The following MEP1A variants were observed in gnomAD, a reference collection of about 807,000 sequenced individuals.
MEP1A encodes N-benzoyl-L-tyrosyl-P-amino-benzoic acid hydrolase subunit alpha.
In MEP1A, 68 loss-of-function variants were observed where a neutral mutation model predicts 84.5. That is an observed-to-expected ratio of 0.80 (90% confidence interval 0.66 to 0.98). The LOEUF is 0.98. MEP1A is among the 50% of genes least tolerant of loss of function. The pLI is 0.00. For synonymous variants in MEP1A, 337 were observed against 336.8 expected (o/e 1.00, Z -0.01); for missense variants, 887 against 919.9 (o/e 0.96, Z 0.46).
chr6:46,798,676 T>C (rs1325736104), intron 4 of MEP1A, 30 bp downstream of exon 4: 1 of 1,605,538 alleles, frequency 6.2e-7, no homozygotes, highest in South Asian at 1.1e-5. Context: ...GCAATAAGTT[T>C]CTCAGGACAG....
chr6:46,798,523 G>T, intron 3 of MEP1A, 83 bp from the exon 4 acceptor site: 1 of 1,134,820 alleles, frequency 8.8e-7, no homozygotes, highest in South Asian at 1.2e-5. Flanking sequence ...ATTTATAATG[G>T]CAAATACTAA....
chr6:46,809,936 T>C (rs1012326524), intron 6 of MEP1A, among the ~76,000 whole-genome samples: 1 of 151,930 alleles, frequency 6.6e-6, no homozygotes, highest in African/African-American at 2.4e-5. Context: ...CATGTGCAAG[T>C]ATCTTTTTCG....
At chr6:46,808,620 C>T (rs1478963566) in intron 5 of MEP1A, among the ~76,000 whole-genome samples, 2 of 151,986 alleles carry the variant, frequency 1.3e-5, no homozygotes, top group African/African-American at 2.4e-5. Flanking sequence ...CTTTTCTACC[C>T]CATCTTTGTC....
chr6:46,826,748 C>T (rs1446681465), intron 9 of MEP1A, among the ~76,000 whole-genome samples: 1 of 152,136 alleles, frequency 6.6e-6, no homozygotes, highest in Non-Finnish European at 1.5e-5. Flanking sequence ...GATAAAACCT[C>T]ATAAATAAAG....
At chr6:46,843,007 G>T (rs774485175), downstream of MEP1A, among the ~76,000 whole-genome samples, 3 of 152,054 alleles carry the variant, frequency 2.0e-5, no homozygotes, top group Admixed American at 1.3e-4. Context: ...CCTTTTAAGT[G>T]CTCCACCTCC....
chr6:46,818,392 C>T (rs751583331), intron 6 of MEP1A, among the ~76,000 whole-genome samples: 1 of 152,046 alleles, frequency 6.6e-6, no homozygotes, highest in African/African-American at 2.4e-5. Flanking sequence ...AACTTGCAAT[C>T]CATTGGTTGC....
Position 46,825,413 on chromosome 6 carries a change from C to T in MEP1A, c.698C>T (p.Pro233Leu). Residue 233 changes from proline to leucine, a missense_variant, in exon 8 of 14, where the codon CCT becomes CTT. Coordinates refer to ENST00000230588, the MANE Select transcript of MEP1A (RefSeq NM_005588.3). ...ASVPTITAKI[P>L]EFNSIIGQRL... ...GTTCCCACCATCACAGCCAAGATCC[C>T]TGAGTTTAACTCCATTATCGGACAG... The T allele has an allele frequency of 6.2e-7, 1 of 1,613,838 alleles. No individual in the cohort carries two copies. Among genetic ancestry groups the T allele is most frequent in the Non-Finnish European group, 8.5e-7 (1 of 1,179,866 alleles).
At chr6:46,808,003 C>T (rs1489945356) in intron 5 of MEP1A, among the ~76,000 whole-genome samples, 1 of 151,878 alleles carries the variant, frequency 6.6e-6, no homozygotes, top group Non-Finnish European at 1.5e-5. Flanking sequence ...TGCTTAGTTC[C>T]CTCTTTACAG....
chr6:46,794,838 T>C (rs1767015583), intron 3 of MEP1A, among the ~76,000 whole-genome samples: 1 of 152,242 alleles, frequency 6.6e-6, no homozygotes, highest in South Asian at 2.1e-4. Context: ...ATTAGAGTTT[T>C]TCTAATCTCA....
downstream of MEP1A, among the ~76,000 whole-genome samples, chr6:46,841,225 T>G (rs2150760780): frequency 6.6e-6 from 1 of 152,294 alleles, no homozygotes; most frequent in East Asian, 1.9e-4. Context: ...AGAATGAGGG[T>G]AAAGCATTTT....
Position 46,829,581 on chromosome 6 carries a change from G to A in MEP1A, c.1144+10G>A. The A allele has an allele frequency of 6.2e-7, 1 of 1,605,982 alleles. No individual in the cohort carries two copies. The highest frequency in any genetic ancestry group is 8.5e-7 in the Non-Finnish European group (1 of 1,172,700). On this transcript the variant is annotated intron_variant, in intron 10 of 13. Coordinates refer to ENST00000230588, the MANE Select transcript of MEP1A (RefSeq NM_005588.3). Reference sequence around the variant, plus strand: ...GTGCAGACTTTTCAAGGTACTTAGAGGCATTCACACGAGGAATGGATTGGG... The same window carrying A: ...GTGCAGACTTTTCAAGGTACTTAGAAGCATTCACACGAGGAATGGATTGGG...
Position 46,824,787 on chromosome 6 carries a change from G to C in MEP1A, c.557-485G>C, listed in dbSNP as rs1410939242. Among the ~76,000 whole-genome samples the C allele has an allele frequency of 4.6e-5, 4 of 86,148 alleles. 1 individual carries two copies. Among genetic ancestry groups the C allele is most frequent in the African/African-American group, 3.9e-5 (1 of 25,522 alleles). The allele number at this position is 86,148 out of a possible 152,430, so 56.5% of individuals were successfully genotyped here. On this transcript the variant is annotated intron_variant, in intron 7 of 13. Coordinates refer to ENST00000230588, the MANE Select transcript of MEP1A (RefSeq NM_005588.3). The stretch of plus-strand genomic sequence containing the variant: ...ATATAAATTATGTATTTAAATAGAT[G>C]TATTTAAATATATATAAATGATGTA...
chr6:46,834,523 T>A (rs1167678337), intron 11 of MEP1A, 55 bp from the exon 12 acceptor site: 1 of 1,099,156 alleles, frequency 9.1e-7, no homozygotes, highest in African/African-American at 1.6e-5. Context: ...AAAGACAAAC[T>A]GGAAAGTGAA....
At chr6:46,821,782 G>A (rs974128987) in intron 7 of MEP1A, among the ~76,000 whole-genome samples, 3 of 152,120 alleles carry the variant, frequency 2.0e-5, no homozygotes, top group South Asian at 4.2e-4. Context: ...GTTTGAGCAC[G>A]GGTTGCTCAA....
chr6:46,825,473 T>C lies in MEP1A; in HGVS notation c.758T>C (p.Leu253Pro). The C allele has an allele frequency of 6.2e-7, 1 of 1,612,266 alleles. No homozygotes were observed. The highest frequency in any genetic ancestry group is 8.5e-7 in the Non-Finnish European group (1 of 1,178,722). Residue 253 changes from leucine (L) to proline (P), a missense_variant, in exon 8 of 14, where the codon CTG (leucine) becomes CCG (proline). Transcript: ENST00000230588. ...LDFSAIDLER[L>P]NRMYNCTTTH... ...TTCAGTGCCATTGATTTAGAGAGGCTGAACCGAATGTACAATTGCAGTGAG... is the reference window on the plus strand; with the variant it reads ...TTCAGTGCCATTGATTTAGAGAGGCCGAACCGAATGTACAATTGCAGTGAG...
the MEP1A span, among the ~76,000 whole-genome samples, chr6:46,845,615 A>G: frequency 1.3e-5 from 2 of 152,202 alleles, no homozygotes; most frequent in African/African-American, 4.8e-5. Context: ...TGGAGAAGAA[A>G]AGGGTTGGTC....
In MEP1A at chr6:46,831,068, T is replaced by G. The variant is rs144203797; in HGVS notation, c.1144+1497T>G. On this transcript the variant is annotated intron_variant, in intron 10 of 13. Transcript: ENST00000230588. ...GTTTCTTACACTGCTGTGCTTTGTG[T>G]TTCATTGAATTCAGAGTATGCCTGT... 6.6e-3 allele frequency among the ~76,000 whole-genome samples: 998 copies of G among 152,330 alleles called. 9 individuals are homozygous for G. Among genetic ancestry groups the G allele is most frequent in the African/African-American group, 0.022 (932 of 41,574 alleles).
intron 5 of MEP1A, among the ~76,000 whole-genome samples, chr6:46,802,236 C>T (rs1281670928): frequency 6.6e-6 from 1 of 151,870 alleles, no homozygotes; most frequent in African/African-American, 2.4e-5. Flanking sequence ...CCATTTATTT[C>T]AGTCTTCTTT....
intron 10 of MEP1A, among the ~76,000 whole-genome samples, chr6:46,831,202 G>T (rs947881752): frequency 1.3e-5 from 2 of 152,086 alleles, no homozygotes; most frequent in Non-Finnish European, 2.9e-5. Context: ...ACTTAGTGTT[G>T]TTTATGTGAT....
Sources: gnomAD v4.1 joint callset for allele counts (sites outside exome capture counted in the v4.1 genomes callset) on GRCh38, gnomAD v4.1.1 for gene constraint, MANE v1.5 for transcripts, NCBI Gene and HGNC (gene_info 2026-07-23, HGNC 2026-07-21) for gene names.